Variants in GRM5 observed in about 807,000 individuals in gnomAD.
GRM5 encodes metabotropic glutamate receptor 5.
In GRM5, 19 loss-of-function variants were observed where a neutral mutation model predicts 83.1. That is an observed-to-expected ratio of 0.23 (90% CI 0.16 to 0.34). GRM5 has a LOEUF of 0.34. GRM5 is among the 10% of genes least tolerant of loss of function. The pLI is 1.00. For synonymous variants in GRM5, 675 were observed against 633.6 expected (o/e 1.07, Z -0.98); for missense variants, 1,160 against 1,588.3 (o/e 0.73, Z 4.58).
intron 2 of GRM5, among the ~76,000 whole-genome samples, chr11:88,896,324 G>A (rs1033717195): frequency 7.9e-5 from 12 of 151,818 alleles, no homozygotes; most frequent in Admixed American, 3.9e-4. Context: ...TCATAAATAA[G>A]AAGATAACAA....
chr11:89,059,825 G>T (rs891222878), intron 1 of GRM5, among the ~76,000 whole-genome samples: 2 of 151,972 alleles, frequency 1.3e-5, no homozygotes, highest in South Asian at 2.1e-4. Flanking sequence ...AGAATGTGCA[G>T]GTTTGTTACA....
At chr11:88,968,289 A>G (rs1028767172) in intron 2 of GRM5, among the ~76,000 whole-genome samples, 4 of 152,174 alleles carry the variant, frequency 2.6e-5, no homozygotes. Context: ...AGGCAGGAAT[A>G]TATTGTATAA....
At chr11:88,751,630 A>G (rs568376585) in intron 3 of GRM5, among the ~76,000 whole-genome samples, 1 of 152,260 alleles carries the variant, frequency 6.6e-6, no homozygotes, top group East Asian at 1.9e-4. Context: ...CCTGACACCA[A>G]AACCTGGCAG....
chr11:88,955,297 A>G (rs1408973882), intron 2 of GRM5, among the ~76,000 whole-genome samples: 1 of 152,256 alleles, frequency 6.6e-6, no homozygotes, highest in Non-Finnish European at 1.5e-5. Flanking sequence ...TTTTAGAGTC[A>G]TACATTAATC....
rs1250060234 is a variant in GRM5 at position 88,869,140 on chromosome 11, T to TC, written c.662-18986dup. On this transcript the variant is annotated intron_variant, in intron 2 of 9. Transcript: ENST00000305447. ...AAGCAGCCAATGTGGCTCCTTTTTT[T>TC]CCTTTAATCTCAAGATATCTGTAAT... 3.3e-5 allele frequency among the ~76,000 whole-genome samples: 5 copies of TC among 151,794 alleles called. No homozygotes were observed. In the South Asian group the frequency reaches 1.0e-3, roughly 31 times the overall value.
intron 7 of GRM5, among the ~76,000 whole-genome samples, chr11:88,577,976 T>C (rs945948092): frequency 2.0e-5 from 3 of 152,084 alleles, no homozygotes; most frequent in Admixed American, 6.6e-5. Flanking sequence ...ATAATAATTA[T>C]GAAGTGAGAG....
Position 88,790,225 on chromosome 11 carries a change from A to G in GRM5, c.911+59681T>C, listed in dbSNP as rs1202978491. Reference sequence around the variant, plus strand: ...TATGCTATTTTTGCTCTAAATCCATATTTTCTTCTATCTACCCATTAATTC... The same window carrying G: ...TATGCTATTTTTGCTCTAAATCCATGTTTTCTTCTATCTACCCATTAATTC... On this transcript the variant is annotated intron_variant, in intron 3 of 9. Coordinates refer to ENST00000305447, the MANE Select transcript of GRM5 (RefSeq NM_001143831.3). Among the ~76,000 whole-genome samples the G allele has an allele frequency of 2.6e-5, 4 of 151,956 alleles. No individual in the cohort carries two copies. In the South Asian group the frequency reaches 6.2e-4, roughly 24 times the overall value.
At chr11:88,919,926 A>G (rs907031023) in intron 2 of GRM5, among the ~76,000 whole-genome samples, 2 of 152,066 alleles carry the variant, frequency 1.3e-5, no homozygotes, top group Admixed American at 1.3e-4. Context: ...GTTTATACCA[A>G]TAAGTGCCTA....
chr11:88,621,581 C>T (rs1177322666), intron 4 of GRM5, among the ~76,000 whole-genome samples: 1 of 152,112 alleles, frequency 6.6e-6, no homozygotes, highest in Non-Finnish European at 1.5e-5. Context: ...ACATCTAGTA[C>T]AATTTACATA....
intron 2 of GRM5, chr11:88,984,587 T>C (rs1591019871): frequency 2.2e-6 from 1 of 456,186 alleles, no homozygotes; most frequent in East Asian, 3.4e-5. Context: ...ATCTTTATTA[T>C]CTTAACTCTG....
intron 2 of GRM5, among the ~76,000 whole-genome samples, chr11:88,922,636 A>AT (rs1156260675): frequency 3.9e-5 from 6 of 152,232 alleles, no homozygotes; most frequent in Admixed American, 2.0e-4. Context: ...AAAAGAAAAC[A>AT]TCTGGGAAAG....
chr11:88,649,977 C>CA (rs952681633), intron 4 of GRM5, among the ~76,000 whole-genome samples: 17 of 150,802 alleles, frequency 1.1e-4, no homozygotes, highest in African/African-American at 1.5e-4. Context: ...ATGGCAATTG[C>CA]AAAAAAAATT....
At position 88,566,990 on chromosome 11, in the gene GRM5, G is replaced by A. The variant is rs867060366; in HGVS notation, c.2630+63C>T. The A allele has an allele frequency of 4.6e-5, 50 of 1,084,330 alleles. 1 individual carries two copies. The Middle Eastern group carries it at 4.4e-3, about 96-fold the overall frequency. The allele number at this position is 1,084,330 out of a possible 1,614,324, so 67.2% of individuals were successfully genotyped here. On this transcript the variant is annotated intron_variant, in intron 8 of 9. Transcript: ENST00000305447. ...GATTTCTCCCATTTAAAAGACCCAG[G>A]AAACACATGCCTCTGCTCCAGTTTT...
intron 3 of GRM5, among the ~76,000 whole-genome samples, chr11:88,674,728 A>G (rs1940280905): frequency 6.6e-6 from 1 of 151,782 alleles, no homozygotes; most frequent in Admixed American, 6.6e-5. Flanking sequence ...TTTTCCCTTG[A>G]CTGTCTCAGT....
chr11:88,860,728 A>G (rs1481331164), intron 2 of GRM5, among the ~76,000 whole-genome samples: 1 of 152,338 alleles, frequency 6.6e-6, no homozygotes, highest in Non-Finnish European at 1.5e-5. Context: ...CAAAGTACTG[A>G]GAGGAGGAAC....
chr11:88,736,777 A>ATACACC (rs1292565779), intron 3 of GRM5, among the ~76,000 whole-genome samples: 3 of 152,034 alleles, frequency 2.0e-5, no homozygotes, highest in Non-Finnish European at 4.4e-5. Context: ...GACAAGATTA[A>ATACACC]AGTGCCACTT....
At chr11:88,976,158 A>G (rs760806989) in intron 2 of GRM5, among the ~76,000 whole-genome samples, 3 of 152,190 alleles carry the variant, frequency 2.0e-5, no homozygotes, top group Non-Finnish European at 4.4e-5. Flanking sequence ...AACCTCAAGA[A>G]GAGGAAAATA....
chr11:88,509,571 C>A (rs1483953945), intron 9 of GRM5, 67 bp from the exon 10 acceptor site: 1 of 1,206,624 alleles, frequency 8.3e-7, no homozygotes. Flanking sequence ...GCCGCTTCCC[C>A]AATGGTGGTT....
intron 2 of GRM5, among the ~76,000 whole-genome samples, chr11:88,928,193 T>A (rs1235529113): frequency 6.6e-6 from 1 of 152,104 alleles, no homozygotes; most frequent in African/African-American, 2.4e-5. Context: ...AATTTTGGTG[T>A]AGGGAAAAGT....
Sources: allele counts gnomAD v4.1 joint callset (sites outside exome capture counted in the v4.1 genomes callset), GRCh38; gene constraint gnomAD v4.1.1; transcripts MANE v1.5; gene names NCBI Gene and HGNC (gene_info 2026-07-23, HGNC 2026-07-21).